Variants in MZT2A observed in about 807,000 individuals in gnomAD.
MZT2A encodes the protein mitotic-spindle organizing protein 2A.
MZT2A carries 8 observed loss-of-function variants against 12.4 expected under a neutral mutation model. The ratio of observed to expected loss-of-function variants is 0.64; its 90% CI spans 0.38 to 1.16. MZT2A has a LOEUF of 1.16. Ranked by LOEUF, MZT2A falls within the 50% of genes most tolerant of loss-of-function variation. The pLI is 0.01. For synonymous variants in MZT2A, 88 were observed against 107.5 expected (o/e 0.82, Z 1.12); for missense variants, 181 against 223.6 (o/e 0.81, Z 1.22).
intron 2 of MZT2A, chr2:131,476,213 G>C (rs1451061909): frequency 5.0e-6 from 8 of 1,613,808 alleles, no homozygotes; most frequent in Non-Finnish European, 6.8e-6. Context: ...GTAAGGCCCG[G>C]GTCACTCCCG....
chr2:131,483,543 G>C (rs758846080), downstream of MZT2A, among the ~76,000 whole-genome samples: 3 of 151,876 alleles, frequency 2.0e-5, no homozygotes, highest in Non-Finnish European at 4.4e-5. Flanking sequence ...GTGAAACCCC[G>C]TCTCTACTAA....
chr2:131,491,206 T>C (rs1275840693), intron 2 of MZT2A: 1 of 446,728 alleles, frequency 2.2e-6, no homozygotes, highest in East Asian at 4.8e-5. Flanking sequence ...ACCATGACAC[T>C]CTCAGTCCCA....
Position 131,491,937 on chromosome 2 carries a change from C to T in MZT2A, c.258G>A (p.Ala86=). 2.0e-6 allele frequency: 3 copies of T among 1,538,112 alleles called. No individual in the cohort carries two copies. Among genetic ancestry groups the T allele is most frequent in the Non-Finnish European group, 2.6e-6 (3 of 1,139,182 alleles). ...LKSMCAGQRL[A]SEPQDPAAVS... is the part of the protein sequence containing the mutation. The stretch of plus-strand genomic sequence containing the variant: ...CGGCCGCAGGGTCCTGGGGCTCGCT[C>T]GCTAGCCTCTGCCCGGCACACATGG... The change falls in exon 2 of 3, where the codon GCG becomes GCA. Residue 86 remains alanine, a synonymous_variant. Transcript: ENST00000309451.
upstream of MZT2A, chr2:131,492,448 T>C: frequency 8.5e-7 from 1 of 1,183,102 alleles, no homozygotes; most frequent in African/African-American, 1.6e-5. Context: ...GCCCTCTCCC[T>C]GCAGCGCCAG....
downstream of MZT2A, chr2:131,480,770 G>C: frequency 6.2e-7 from 1 of 1,600,488 alleles, no homozygotes; most frequent in Non-Finnish European, 8.5e-7. Flanking sequence ...GTGATGTGGA[G>C]GCCTTTCAGC....
At chr2:131,478,670 C>T (rs568123431) in intron 2 of MZT2A, 4 of 567,538 alleles carry the variant, frequency 7.0e-6, no homozygotes, top group Non-Finnish European at 1.2e-5. Flanking sequence ...CTCAGGTGGC[C>T]CTGCCTGCAG....
intron 2 of MZT2A, chr2:131,490,427 T>C: frequency 7.9e-7 from 1 of 1,273,438 alleles, no homozygotes; most frequent in Non-Finnish European, 1.0e-6. Context: ...CTGGCTGTCT[T>C]CCCCTGGAGA....
chr2:131,493,091 C>T (rs1381612694), upstream of MZT2A: 2 of 1,492,816 alleles, frequency 1.3e-6, no homozygotes, highest in African/African-American at 1.4e-5. Context: ...GGCGCGGTGG[C>T]GGAATGGCGG....
At position 131,484,154 on chromosome 2, in the gene MZT2A, C is replaced by T. The variant is rs376494153; in HGVS notation, c.384G>A (p.Glu128=). Residue 128 remains glutamate (E), a synonymous_variant, in exon 3 of 3, where the codon GAG becomes GAA. Transcript: ENST00000309451. ...GGCGTGGCATCCTCTGGCTGGATCC[C>T]TCGTGGTTGCTGCGTTCCGCCAGGG... ...VLALAERSNH[E]GSSQRMPRQP... is the part of the protein sequence containing the mutation. The T allele has an allele frequency of 1.6e-5, 26 of 1,614,028 alleles. 1 individual carries two copies. Among genetic ancestry groups the T allele is most frequent in the Non-Finnish European group, 2.0e-5 (24 of 1,180,008 alleles).
chr2:131,473,040 G>A (rs1421779604), intron 2 of MZT2A, among the ~76,000 whole-genome samples: 2 of 152,174 alleles, frequency 1.3e-5, no homozygotes, highest in East Asian at 1.9e-4. Flanking sequence ...AACAGGATTC[G>A]TGTCCTTATA....
chr2:131,490,437 A>G, intron 2 of MZT2A: 1 of 1,297,262 alleles, frequency 7.7e-7, no homozygotes, highest in Non-Finnish European at 9.9e-7. Context: ...TCCCCTGGAG[A>G]GGGGCTCTTT....
chr2:131,482,942 G>C (rs1386361497), downstream of MZT2A: 8 of 1,538,502 alleles, frequency 5.2e-6, no homozygotes, highest in African/African-American at 9.6e-5. Context: ...CAAGCCCTCT[G>C]TGTGTCGTGC....
chr2:131,472,332 C>T, intron 2 of MZT2A: 1 of 509,314 alleles, frequency 2.0e-6, no homozygotes. Context: ...CACAAGGCAG[C>T]AATACTTAGG....
At chr2:131,474,669 C>T (rs893093782) in intron 2 of MZT2A, among the ~76,000 whole-genome samples, 52 of 151,908 alleles carry the variant, frequency 3.4e-4, no homozygotes, top group African/African-American at 1.3e-3. Flanking sequence ...CTTGGCCTCC[C>T]AAAGTGCTGG....
downstream of MZT2A, among the ~76,000 whole-genome samples, chr2:131,481,403 G>A (rs1678860876): frequency 6.6e-6 from 1 of 151,430 alleles, no homozygotes; most frequent in African/African-American, 2.4e-5. Context: ...CAAGCAGCTG[G>A]GACCATAGAC....
In MZT2A at chr2:131,490,695, T is replaced by C. The variant is rs553939280; in HGVS notation, c.319+1181A>G. 2.6e-5 allele frequency: 41 copies of C among 1,549,446 alleles called. No homozygotes were observed. The African/African-American group carries it at 5.6e-4, about 21-fold the overall frequency. On this transcript the variant is annotated intron_variant, in intron 2 of 2. Coordinates refer to ENST00000309451, the MANE Select transcript of MZT2A (RefSeq NM_001085365.2). ...AAGGAAGAGCACCAACCCCCAGAGA[T>C]AAGCCAATAAACGCAACCTGCAAAA...
intron 2 of MZT2A, among the ~76,000 whole-genome samples, chr2:131,487,138 G>A (rs1211022640): frequency 6.6e-6 from 1 of 152,158 alleles, no homozygotes; most frequent in East Asian, 1.9e-4. Flanking sequence ...GGTCCCTGGA[G>A]GGCCCTCCTA....
At chr2:131,482,105 T>C (rs1222043223), downstream of MZT2A, among the ~76,000 whole-genome samples, 2 of 152,248 alleles carry the variant, frequency 1.3e-5, no homozygotes, top group African/African-American at 4.8e-5. Context: ...TACCTTTGCA[T>C]ATCCACAGTG....
upstream of MZT2A, chr2:131,493,158 C>T: frequency 7.0e-7 from 1 of 1,435,760 alleles, no homozygotes; most frequent in East Asian, 2.6e-5. Context: ...GCGCGGGACG[C>T]GCGCGTGAGA....
Sources: gnomAD v4.1 joint callset for allele counts (sites outside exome capture counted in the v4.1 genomes callset) on GRCh38, gnomAD v4.1.1 for gene constraint, MANE v1.5 for transcripts, NCBI Gene and HGNC (gene_info 2026-07-23, HGNC 2026-07-21) for gene names.